KCND3: variants seen among roughly 807,000 people sequenced by gnomAD.
KCND3 encodes the protein potassium voltage-gated channel subfamily D member 3.
Under a neutral mutation model 51.1 loss-of-function variants are expected in KCND3, and 9 were observed. That is an observed-to-expected ratio of 0.18 (90% confidence interval 0.11 to 0.31). The LOEUF is 0.31. KCND3 is among the 10% of genes least tolerant of loss of function. The probability of loss-of-function intolerance (pLI) is 1.00; values close to 1 mark genes in which losing one functional copy is unlikely to be tolerated. For missense variants in KCND3, 526 were observed against 903.8 expected, an observed-to-expected ratio of 0.58 and a Z score of 5.36; for synonymous variants, 349 against 368.0, an observed-to-expected ratio of 0.95 and a Z score of 0.59.
intron 2 of KCND3, among the ~76,000 whole-genome samples, chr1:111,822,633 AC>A (rs1666401857): frequency 1.3e-5 from 2 of 152,192 alleles, no homozygotes. Context: ...GGTTGTTCCC[AC>A]CTTTTGGCTA....
At chr1:111,882,412 G>A (rs1323450060) in intron 2 of KCND3, among the ~76,000 whole-genome samples, 1 of 152,212 alleles carries the variant, frequency 6.6e-6, no homozygotes, top group East Asian at 1.9e-4. Flanking sequence ...ACCTGCTGCT[G>A]GTCTTCCCTG....
chr1:111,916,322 C>G (rs1671215140), intron 2 of KCND3, among the ~76,000 whole-genome samples: 1 of 151,864 alleles, frequency 6.6e-6, no homozygotes, highest in Non-Finnish European at 1.5e-5. Context: ...TCTTAAAAAC[C>G]CATAAGTCAA....
intron 2 of KCND3, among the ~76,000 whole-genome samples, chr1:111,971,101 C>T (rs1674302049): frequency 6.6e-6 from 1 of 152,112 alleles, no homozygotes; most frequent in African/African-American, 2.4e-5. Flanking sequence ...GTGTCACCCA[C>T]GAAGGTAGTA....
chr1:111,779,173 AT>A, intron 5 of KCND3, among the ~76,000 whole-genome samples: 1 of 152,202 alleles, frequency 6.6e-6, no homozygotes, highest in Non-Finnish European at 1.5e-5. Context: ...AGATAGAGTC[AT>A]CGAAGCCAGG....
intron 2 of KCND3, among the ~76,000 whole-genome samples, chr1:111,934,116 T>G (rs1672101760): frequency 6.6e-6 from 1 of 152,126 alleles, no homozygotes; most frequent in Non-Finnish European, 1.5e-5. Context: ...CTTCTCCCCG[T>G]GTGGTTCTGG....
chr1:111,823,952 T>A (rs1666461682), intron 2 of KCND3, among the ~76,000 whole-genome samples: 1 of 152,208 alleles, frequency 6.6e-6, no homozygotes, highest in South Asian at 2.1e-4. Context: ...AAATCTGCTT[T>A]AGTTGTAAAC....
chr1:111,937,954 A>G (rs9429425), intron 2 of KCND3, among the ~76,000 whole-genome samples: 20,997 of 152,104 alleles, frequency 0.14, 1,942 homozygotes, highest in African/African-American at 0.26. Context: ...ACCTTCAGTG[A>G]CCCCTTGTTG....
chr1:111,778,660 C>T (rs1400782986), intron 5 of KCND3, among the ~76,000 whole-genome samples, 168 bp from the exon 6 acceptor site: 2 of 152,036 alleles, frequency 1.3e-5, no homozygotes, highest in Non-Finnish European at 2.9e-5. Flanking sequence ...AACATTCCAC[C>T]CTTTAGCCCC....
chr1:111,869,926 G>T (rs1417521938), intron 2 of KCND3, among the ~76,000 whole-genome samples: 1 of 151,780 alleles, frequency 6.6e-6, no homozygotes, highest in Non-Finnish European at 1.5e-5. Context: ...CACACGTACA[G>T]ACACACATGT....
At chr1:111,894,090 T>C (rs1363382777) in intron 2 of KCND3, among the ~76,000 whole-genome samples, 1 of 152,176 alleles carries the variant, frequency 6.6e-6, no homozygotes, top group Non-Finnish European at 1.5e-5. Flanking sequence ...CTAGTGGCTT[T>C]CCACTGCACC....
chr1:111,829,071 T>C (rs1415811356), intron 2 of KCND3, among the ~76,000 whole-genome samples: 1 of 152,244 alleles, frequency 6.6e-6, no homozygotes, highest in Non-Finnish European at 1.5e-5. Context: ...CATGTGAGTT[T>C]CACTGTAGTA....
intron 2 of KCND3, among the ~76,000 whole-genome samples, chr1:111,960,176 C>T (rs565312328): frequency 1.3e-4 from 20 of 152,224 alleles, no homozygotes; most frequent in African/African-American, 1.7e-4. Context: ...AGCATGAGAA[C>T]GGACTAATAC....
At chr1:111,961,303 A>G (rs1384599502) in intron 2 of KCND3, among the ~76,000 whole-genome samples, 5 of 152,186 alleles carry the variant, frequency 3.3e-5, no homozygotes, top group Non-Finnish European at 7.3e-5. Context: ...CGGCTGGCAC[A>G]ATGTTTCCTG....
intron 2 of KCND3, among the ~76,000 whole-genome samples, chr1:111,853,391 G>A (rs145018418): frequency 6.6e-6 from 1 of 152,286 alleles, no homozygotes; most frequent in East Asian, 1.9e-4. Context: ...GGTCTGGTGA[G>A]CTACAATGCA....
chr1:111,970,461 C>T (rs976178064), intron 2 of KCND3, among the ~76,000 whole-genome samples: 2 of 152,190 alleles, frequency 1.3e-5, no homozygotes, highest in Admixed American at 6.5e-5. Context: ...TTTAATTTTT[C>T]CACCAAAATG....
intron 2 of KCND3, among the ~76,000 whole-genome samples, chr1:111,855,193 G>A (rs1318496637): frequency 6.6e-6 from 1 of 152,180 alleles, no homozygotes; most frequent in East Asian, 1.9e-4. Flanking sequence ...CCCCTTTTGT[G>A]TTCTGGAGCT....
chr1:111,813,272 C>T (rs1406497893), intron 2 of KCND3, among the ~76,000 whole-genome samples: 1 of 152,182 alleles, frequency 6.6e-6, no homozygotes, highest in African/African-American at 2.4e-5. Flanking sequence ...CTGATTCCAG[C>T]CTGATCAGAC....
intron 2 of KCND3, among the ~76,000 whole-genome samples, chr1:111,840,824 G>A (rs1667291488): frequency 6.6e-6 from 1 of 152,136 alleles, no homozygotes; most frequent in Non-Finnish European, 1.5e-5. Flanking sequence ...GTCATGCTCG[G>A]ATGACGTGGC....
Position 111,981,567 on chromosome 1 carries a change from C to A in KCND3, c.1106+54G>T. The A allele has an allele frequency of 6.2e-7, 1 of 1,612,962 alleles. No individual in the cohort carries two copies. The highest frequency in any genetic ancestry group is 1.1e-5 in the South Asian group (1 of 90,598). ...TGACACCATCCAAGGTTTCAGAGGT[C>A]ATCCAGCTGCCCTCCAACCTCCGTC... On this transcript the variant is annotated intron_variant, in intron 2 of 7. Transcript: ENST00000302127. The surrounding 1 kb of genome is among the most constrained non-coding windows in gnomAD (Gnocchi z 6.2).
Sources: allele counts gnomAD v4.1 joint callset (sites outside exome capture counted in the v4.1 genomes callset), GRCh38; gene constraint gnomAD v4.1.1; non-coding constraint Gnocchi (gnomAD v3.1); transcripts MANE v1.5; gene names NCBI Gene and HGNC (gene_info 2026-07-23, HGNC 2026-07-21).